UGDH: variants seen among roughly 807,000 people sequenced by gnomAD.
UGDH encodes the protein UDP-glucose 6-dehydrogenase, also known as UDP-Glc dehydrogenase.
A neutral mutation model predicts 50.6 loss-of-function variants in UGDH; 38 were observed. That is an observed-to-expected ratio of 0.75 (90% confidence interval 0.58 to 0.98). UGDH has a LOEUF of 0.98. Among genes scored for constraint, UGDH ranks in the 50% least tolerant of loss-of-function variants. The probability of loss-of-function intolerance (pLI) is 0.00; values close to 1 mark genes in which losing one functional copy is unlikely to be tolerated. For missense variants in UGDH, 465 were observed against 606.2 expected (o/e 0.77, Z 2.45); for synonymous variants, 168 against 199.9 (o/e 0.84, Z 1.35).
rs1352368485 is a variant in UGDH at position 39,509,903 on chromosome 4, G to T, written c.668C>A (p.Ala223Glu). The change falls in exon 6 of 12, where the codon GCA becomes GAA. Residue 223 changes from alanine (A) to glutamate (E), a missense_variant. Coordinates refer to ENST00000316423, the MANE Select transcript of UGDH (RefSeq NM_003359.4). ...TATTCTCTGGGCAAGAAAAGCATTTGCTGCCTTAAAAAAAAAAAACATAGA... is the reference window on the plus strand; with the variant it reads ...TATTCTCTGGGCAAGAAAAGCATTTTCTGCCTTAAAAAAAAAAAACATAGA... The part of the protein sequence containing the change: ...TWSSELSKLA[A>E]NAFLAQRISS... The T allele has an allele frequency of 1.9e-6, 3 of 1,573,306 alleles. No individual in the cohort carries two copies. The highest frequency in any genetic ancestry group is 1.4e-5 in the African/African-American group (1 of 71,140).
At position 39,499,088 on chromosome 4, in the gene UGDH, C is replaced by T. The variant is rs1745693392; in HGVS notation, c.*1055G>A. ...CTTGTAAAATATTTAAGTTTTTATA[C>T]ATGAGATTATATTGGTTTCCTTATT... On this transcript the variant is annotated 3_prime_UTR_variant, in exon 12 of 12. Transcript: ENST00000316423. The T allele has an allele frequency of 6.6e-6, 1 of 151,298 alleles. No individual in the cohort carries two copies. The highest frequency in any genetic ancestry group is 1.5e-5 in the Non-Finnish European group (1 of 67,938). 9.4% of individuals were successfully genotyped at this position (151,298 alleles called of 1,614,324 possible).
intron 2 of UGDH, among the ~76,000 whole-genome samples, chr4:39,517,369 A>AT (rs915565770): frequency 8.2e-4 from 123 of 150,908 alleles, no homozygotes; most frequent in Admixed American, 2.4e-3. Context: ...CACCCATCTA[A>AT]TTTTTTTTTG....
chr4:39,510,920 T>C, intron 3 of UGDH, 59 bp from the exon 4 acceptor site: 4 of 1,535,024 alleles, frequency 2.6e-6, no homozygotes, highest in Non-Finnish European at 3.6e-6. Flanking sequence ...TTTCAAGATA[T>C]ACCCTGAACT....
intron 11 of UGDH, among the ~76,000 whole-genome samples, 160 bp from the exon 12 acceptor site, chr4:39,500,413 T>C (rs1407964368): frequency 1.3e-5 from 2 of 152,184 alleles, no homozygotes; most frequent in Non-Finnish European, 2.9e-5. Context: ...TTCTTCCCTA[T>C]TTTTTGTTCC....
At chr4:39,502,752 T>C (rs935953902) in intron 11 of UGDH, among the ~76,000 whole-genome samples, 4 of 152,208 alleles carry the variant, frequency 2.6e-5, no homozygotes, top group African/African-American at 9.6e-5. Context: ...TGACAAACTG[T>C]TTTTTGTTTT....
chr4:39,521,377 T>C lies in UGDH; in HGVS notation c.136A>G (p.Asn46Asp), dbSNP rs1388970611. Residue 46 changes from asparagine to aspartate, a missense_variant, in exon 2 of 12, where the codon AAT (asparagine) becomes GAT (aspartate). Physicochemically the swap from Asn to Asp is conservative, Grantham distance 23. Transcript: ENST00000316423. ...TCATAAATAGGAAGTGTAGGAGAATTCCACGCATTGATTCTTGATTCATTG... is the reference window on the plus strand; with the variant it reads ...TCATAAATAGGAAGTGTAGGAGAATCCCACGCATTGATTCTTGATTCATTG... ...DVNESRINAW[N>D]SPTLPIYEPG... The C allele has an allele frequency of 6.2e-7, 1 of 1,610,688 alleles. No individual in the cohort carries two copies. Among genetic ancestry groups the C allele is most frequent in the East Asian group, 2.2e-5 (1 of 44,756 alleles).
chr4:39,513,677 C>A (rs1160719016), intron 3 of UGDH, among the ~76,000 whole-genome samples: 1 of 151,740 alleles, frequency 6.6e-6, no homozygotes. Context: ...GCTGGGACTG[C>A]GGGTGCACAC....
intron 11 of UGDH, among the ~76,000 whole-genome samples, chr4:39,501,327 T>G (rs1466107993): frequency 2.1e-5 from 3 of 145,394 alleles, no homozygotes; most frequent in Non-Finnish European, 4.5e-5. Flanking sequence ...CAGGCTGGAG[T>G]GCAGTGGCGT....
In UGDH at chr4:39,508,607, C is replaced by T; in HGVS notation, c.865G>A (p.Glu289Lys). 6.2e-7 allele frequency: 1 copy of T among 1,610,082 alleles called. No homozygotes were observed. Among genetic ancestry groups the T allele is most frequent in the Non-Finnish European group, 8.5e-7 (1 of 1,178,848 alleles). The stretch of plus-strand genomic sequence containing the variant: ...GCTACTTCTGGCAAATTCAGAGCCT[C>T]ACAGAGATAAACCAAATTCAGAACA... ...KDVLNLVYLC[E>K]ALNLPEVARY... The change falls in exon 7 of 12, where the codon GAG becomes AAG. Residue 289 changes from glutamate to lysine, a missense_variant. Physicochemically the swap from Glu to Lys is moderately conservative, Grantham distance 56 (BLOSUM62 1). Coordinates refer to ENST00000316423, the MANE Select transcript of UGDH (RefSeq NM_003359.4).
intron 3 of UGDH, among the ~76,000 whole-genome samples, chr4:39,512,909 C>T (rs1360246497): frequency 6.7e-6 from 1 of 150,324 alleles, no homozygotes; most frequent in Admixed American, 6.7e-5. Context: ...GCAGCCTCAA[C>T]CTCCAGGGTT....
intron 2 of UGDH, among the ~76,000 whole-genome samples, chr4:39,515,008 G>A (rs961102574): frequency 4.7e-5 from 7 of 148,674 alleles, no homozygotes; most frequent in Non-Finnish European, 1.0e-4. Flanking sequence ...ACAGGGTTTC[G>A]CTCTGTTCCC....
chr4:39,512,976 C>T (rs1474362038), intron 3 of UGDH, among the ~76,000 whole-genome samples: 1 of 152,036 alleles, frequency 6.6e-6, no homozygotes, highest in Non-Finnish European at 1.5e-5. Context: ...CATACAGCAC[C>T]ACGGCCAGCT....
chr4:39,521,645 T>C, intron 1 of UGDH, 126 bp from the exon 2 acceptor site: 1 of 760,174 alleles, frequency 1.3e-6, no homozygotes, highest in African/African-American at 1.8e-5. Flanking sequence ...TTTCCTACAT[T>C]CGCTCTGAGG....
rs1023307522 is a variant in UGDH at position 39,511,815 on chromosome 4, T to A, written c.265-954A>T. Among the ~76,000 whole-genome samples the A allele has an allele frequency of 2.6e-5, 4 of 151,530 alleles. No individual in the cohort carries two copies. In the Admixed American group the frequency reaches 2.6e-4, roughly 10 times the overall value. Reference sequence around the variant, plus strand: ...ATCTCTGCTTCCTGGGTTCAAGCGATTCTCCTGCCTCAGCCTCCTGAGTAG... The same window carrying A: ...ATCTCTGCTTCCTGGGTTCAAGCGAATCTCCTGCCTCAGCCTCCTGAGTAG... On this transcript the variant is annotated intron_variant, in intron 3 of 11. Transcript: ENST00000316423.
intron 6 of UGDH, 119 bp from the exon 7 acceptor site, chr4:39,508,779 C>A (rs1172081696): frequency 1.1e-5 from 9 of 818,644 alleles, no homozygotes; most frequent in Middle Eastern, 2.4e-4. Flanking sequence ...TAATAAAATT[C>A]AGATGGATAA....
chr4:39,514,246 T>C (rs539933139), intron 2 of UGDH, 62 bp from the exon 3 acceptor site: 2 of 1,224,710 alleles, frequency 1.6e-6, no homozygotes, highest in East Asian at 2.4e-5. Context: ...GATAACCTAA[T>C]AGTATAGAAT....
chr4:39,517,527 A>T (rs13435734), intron 2 of UGDH, among the ~76,000 whole-genome samples: 32,062 of 152,084 alleles, frequency 0.21, 5,189 homozygotes, highest in African/African-American at 0.43. Flanking sequence ...TATTTTTTAA[A>T]GAACAAAGTT....
At chr4:39,513,057 C>G (rs992044274) in intron 3 of UGDH, among the ~76,000 whole-genome samples, 1 of 152,140 alleles carries the variant, frequency 6.6e-6, no homozygotes, top group Admixed American at 6.6e-5. Flanking sequence ...ATCCGCCTGC[C>G]TTGGCCTCCC....
intron 2 of UGDH, among the ~76,000 whole-genome samples, chr4:39,515,356 C>T (rs1422108494): frequency 6.6e-6 from 1 of 152,136 alleles, no homozygotes; most frequent in African/African-American, 2.4e-5. Context: ...TATGAATGCA[C>T]ATTTTTACTC....
Sources: gnomAD v4.1 joint callset for allele counts (sites outside exome capture counted in the v4.1 genomes callset) on GRCh38, gnomAD v4.1.1 for gene constraint, MANE v1.5 for transcripts, NCBI Gene and HGNC (gene_info 2026-07-23, HGNC 2026-07-21) for gene names.